Variants in PCNX2 observed in about 807,000 individuals in gnomAD.
PCNX2 encodes pecanex 2.
Under a neutral mutation model 223.8 loss-of-function variants are expected in PCNX2, and 168 were observed. The ratio of observed to expected loss-of-function variants is 0.75; its 90% CI spans 0.66 to 0.85. PCNX2 has a LOEUF of 0.85. Ranked by LOEUF, PCNX2 falls within the 40% of genes least tolerant of loss-of-function variation. The probability of loss-of-function intolerance (pLI) is 0.00; values close to 1 mark genes in which losing one functional copy is unlikely to be tolerated. For synonymous variants in PCNX2, 1,006 were observed against 1,052.6 expected, an observed-to-expected ratio of 0.96 and a Z score of 0.86; for missense variants, 2,507 against 2,675.5, an observed-to-expected ratio of 0.94 and a Z score of 1.39.
chr1:233,024,308 G>T (rs572111859), intron 26 of PCNX2, among the ~76,000 whole-genome samples: 80 of 152,250 alleles, frequency 5.3e-4, no homozygotes, highest in African/African-American at 1.6e-3. Context: ...ATTTCTGCTG[G>T]ACCACCTGTC....
chr1:233,099,500 C>T (rs1054459171), intron 21 of PCNX2, among the ~76,000 whole-genome samples: 5 of 152,138 alleles, frequency 3.3e-5, no homozygotes, highest in African/African-American at 1.2e-4. Flanking sequence ...TCAAAACGGC[C>T]GACTGCTGGC....
chr1:233,316,865 C>T, the PCNX2 span, among the ~76,000 whole-genome samples: 1 of 152,168 alleles, frequency 6.6e-6, no homozygotes, highest in Non-Finnish European at 1.5e-5. Context: ...TAACATACTA[C>T]ATAATTTACT....
chr1:233,227,823 T>A (rs1657837482), intron 9 of PCNX2, among the ~76,000 whole-genome samples: 1 of 152,288 alleles, frequency 6.6e-6, no homozygotes, highest in South Asian at 2.1e-4. Context: ...ATATCTAGGT[T>A]ATTGGTGAAG....
intron 21 of PCNX2, among the ~76,000 whole-genome samples, chr1:233,119,965 G>C (rs370099297): frequency 4.9e-4 from 74 of 151,776 alleles, no homozygotes; most frequent in African/African-American, 1.7e-3. Flanking sequence ...TCAGGAGTTC[G>C]AGACCAGCCT....
rs1302238970 is a variant in PCNX2, at chr1:233,253,632, C to G, written c.1835-844G>C. Among the ~76,000 whole-genome samples the G allele has an allele frequency of 6.6e-6, 1 of 152,208 alleles. No individual in the cohort carries two copies. The highest frequency in any genetic ancestry group is 1.5e-5 in the Non-Finnish European group (1 of 68,042). The stretch of plus-strand genomic sequence containing the variant: ...AAGTACTGGGATTACAGGCATGAGC[C>G]ACCACACCCGGCCTGCTGATTTTGA... On this transcript the variant is annotated intron_variant, in intron 5 of 33. Coordinates refer to ENST00000258229, the MANE Select transcript of PCNX2 (RefSeq NM_014801.4). The surrounding 1 kb of genome is among the most constrained non-coding windows in gnomAD (Gnocchi z 4.2).
intron 8 of PCNX2, among the ~76,000 whole-genome samples, chr1:233,249,256 A>G (rs1659309318): frequency 6.6e-6 from 1 of 152,194 alleles, no homozygotes; most frequent in Admixed American, 6.5e-5. Context: ...TCCTGGGGGG[A>G]AAAAATTAAA....
chr1:233,068,605 A>C (rs990387456), intron 23 of PCNX2, among the ~76,000 whole-genome samples: 1 of 152,176 alleles, frequency 6.6e-6, no homozygotes, highest in African/African-American at 2.4e-5. Flanking sequence ...ACATGAAAAG[A>C]CTTCTACACT....
At chr1:233,259,495 T>G in intron 4 of PCNX2, 151 bp from the exon 5 acceptor site, 1 of 740,102 alleles carries the variant, frequency 1.4e-6, no homozygotes, top group Non-Finnish European at 1.6e-6. Flanking sequence ...CTGGGTTACA[T>G]GTGCAGAACA....
At chr1:233,009,587 T>C (rs988785947) in intron 28 of PCNX2, among the ~76,000 whole-genome samples, 6 of 152,264 alleles carry the variant, frequency 3.9e-5, no homozygotes, top group Admixed American at 6.5e-5. Context: ...TCAACTACTA[T>C]TGTCTGGTGC....
intron 12 of PCNX2, chr1:233,211,891 G>T: frequency 1.2e-6 from 1 of 844,736 alleles, no homozygotes; most frequent in African/African-American, 1.8e-5. Flanking sequence ...AGGACTCTGG[G>T]CAGAGAAAAG....
At chr1:233,163,435 G>A (rs1429901027) in intron 17 of PCNX2, among the ~76,000 whole-genome samples, 4 of 151,276 alleles carry the variant, frequency 2.6e-5, no homozygotes, top group East Asian at 3.9e-4. Context: ...GCAGTGAGCC[G>A]AGATCACACC....
At chr1:233,296,347 A>G (rs992451702), upstream of PCNX2, among the ~76,000 whole-genome samples, 2 of 152,164 alleles carry the variant, frequency 1.3e-5, no homozygotes, top group Non-Finnish European at 2.9e-5. Context: ...GAGAAAGAAG[A>G]TAACCACCTT....
chr1:233,023,270 C>A (rs1670961891), intron 26 of PCNX2, among the ~76,000 whole-genome samples: 1 of 152,222 alleles, frequency 6.6e-6, no homozygotes, highest in Non-Finnish European at 1.5e-5. Flanking sequence ...TCTGTTTTCT[C>A]CTTCTTCTGT....
chr1:232,999,146 A>T lies in PCNX2; in HGVS notation c.5562T>A (p.Thr1854=). 6.2e-7 allele frequency: 1 copy of T among 1,613,710 alleles called. No homozygotes were observed. The highest frequency in any genetic ancestry group is 8.5e-7 in the Non-Finnish European group (1 of 1,179,698). Residue 1854 remains threonine, a synonymous_variant, in exon 31 of 34, where the codon ACT becomes ACA. Transcript: ENST00000258229. The part of the protein sequence containing the change: ...QLKNIWGGPI[T]LDRIRTWFWT... The stretch of plus-strand genomic sequence containing the variant: ...AGAACCAGGTCCTAATTCTGTCCAA[A>T]GTGATGGGTCCACCCCAGATGTTCT...
intron 19 of PCNX2, among the ~76,000 whole-genome samples, chr1:233,150,153 A>G (rs1050835663): frequency 3.9e-5 from 6 of 152,144 alleles, no homozygotes; most frequent in Non-Finnish European, 8.8e-5. Flanking sequence ...CATAGTGGCC[A>G]CTCAGGAAAT....
At chr1:233,080,875 T>C (rs1156872560) in intron 23 of PCNX2, among the ~76,000 whole-genome samples, 1 of 152,228 alleles carries the variant, frequency 6.6e-6, no homozygotes, top group Non-Finnish European at 1.5e-5. Flanking sequence ...TGTATCCATC[T>C]GGACAACTCT....
At chr1:233,002,459 G>A (rs1670122716) in intron 28 of PCNX2, among the ~76,000 whole-genome samples, 2 of 152,216 alleles carry the variant, frequency 1.3e-5, no homozygotes, top group African/African-American at 4.8e-5. Context: ...GGGATGTGAA[G>A]GGCCTCTTCA....
chr1:233,305,131 C>T, the PCNX2 span, among the ~76,000 whole-genome samples: 1 of 152,082 alleles, frequency 6.6e-6, no homozygotes, highest in Admixed American at 6.6e-5. Context: ...GGTTCTAGGG[C>T]AACTGACTTC....
At chr1:233,072,414 C>T (rs911008136) in intron 23 of PCNX2, among the ~76,000 whole-genome samples, 2 of 152,052 alleles carry the variant, frequency 1.3e-5, no homozygotes, top group Non-Finnish European at 2.9e-5. Context: ...TCCCTCATTG[C>T]TTGTTTTTGT....
Sources: gnomAD v4.1 joint callset for allele counts (sites outside exome capture counted in the v4.1 genomes callset) on GRCh38, gnomAD v4.1.1 for gene constraint, Gnocchi (gnomAD v3.1) non-coding constraint, MANE v1.5 for transcripts, NCBI Gene and HGNC (gene_info 2026-07-23, HGNC 2026-07-21) for gene names.